The following AASDH variants were observed in gnomAD, a reference collection of about 807,000 sequenced individuals.
The protein encoded by AASDH is aminoadipate-semialdehyde dehydrogenase, also known as beta-alanine-activating enzyme.
AASDH carries 81 observed loss-of-function variants against 102.3 expected under a neutral mutation model. That is an observed-to-expected ratio of 0.79 (90% confidence interval 0.66 to 0.95). AASDH has a LOEUF of 0.95. Ranked by LOEUF, AASDH falls within the 40% of genes least tolerant of loss-of-function variation. The pLI is 0.00. For synonymous variants in AASDH, 398 were observed against 454.0 expected, an observed-to-expected ratio of 0.88 and a Z score of 1.57; for missense variants, 1,203 against 1,266.2, an observed-to-expected ratio of 0.95 and a Z score of 0.76.
rs747800323 is a variant in AASDH at position 56,338,739 on chromosome 4, G to A, written c.2960C>T (p.Pro987Leu). 2 of 1,614,146 alleles carry A rather than the reference G, an allele frequency of 1.2e-6. No homozygotes were observed. Among genetic ancestry groups the A allele is most frequent in the South Asian group, 1.1e-5 (1 of 91,076 alleles). Residue 987 changes from proline to leucine, a missense_variant, in exon 15 of 15, where the codon CCA becomes CTA. Coordinates refer to ENST00000205214, the MANE Select transcript of AASDH (RefSeq NM_181806.4). ...ACCAAAAAATATTTTTTGCTCTGAT[G>A]GTGAGGTACACGGGGATGAAAAGAT... Reference protein sequence around the residue: ...GPIFSSPCTSPSEQKIFFGSH... With the variant: ...GPIFSSPCTSLSEQKIFFGSH...
chr4:56,366,601 C>T (rs1211977263), intron 5 of AASDH, among the ~76,000 whole-genome samples: 1 of 152,054 alleles, frequency 6.6e-6, no homozygotes, highest in Admixed American at 6.6e-5. Flanking sequence ...AGCATATAAA[C>T]AGAACCAAAG....
At chr4:56,386,436 C>G (rs60438357) in intron 1 of AASDH, among the ~76,000 whole-genome samples, 1 of 152,268 alleles carries the variant, frequency 6.6e-6, no homozygotes, top group African/African-American at 2.4e-5. Flanking sequence ...CATTGAATCA[C>G]AAATAACATT....
chr4:56,344,371 AT>A (rs1215239910), intron 12 of AASDH, among the ~76,000 whole-genome samples: 1 of 152,036 alleles, frequency 6.6e-6, no homozygotes, highest in African/African-American at 2.4e-5. Flanking sequence ...AGAGTTTTTA[AT>A]TTTCATTCCT....
intron 2 of AASDH, among the ~76,000 whole-genome samples, chr4:56,383,521 C>G (rs1454998919): frequency 6.6e-6 from 1 of 152,158 alleles, no homozygotes; most frequent in African/African-American, 2.4e-5. Flanking sequence ...TTTATACTTA[C>G]TGCAGAGTTC....
intron 1 of AASDH, among the ~76,000 whole-genome samples, chr4:56,386,928 G>C (rs1031473981): frequency 4.6e-5 from 7 of 151,686 alleles, no homozygotes; most frequent in African/African-American, 1.7e-4. Context: ...GATCTTAAGA[G>C]TGTCAGCAAA....
intron 1 of AASDH, among the ~76,000 whole-genome samples, chr4:56,386,278 A>C (rs1438778341): frequency 6.6e-6 from 1 of 152,220 alleles, no homozygotes; most frequent in African/African-American, 2.4e-5. Flanking sequence ...ATTATGAGGA[A>C]TGAGTTCATT....
At chr4:56,341,129 A>G (rs982782890) in intron 14 of AASDH, among the ~76,000 whole-genome samples, 1 of 152,174 alleles carries the variant, frequency 6.6e-6, no homozygotes, top group African/African-American at 2.4e-5. Flanking sequence ...GAAGAGAACT[A>G]TCATATCCAA....
Position 56,367,692 on chromosome 4 carries a change from C to T in AASDH, c.861+3759G>A, listed in dbSNP as rs570749020. On this transcript the variant is annotated intron_variant, in intron 5 of 14. Transcript: ENST00000205214. ...GTAGAAAGCTGAAACTGGATCCCTTCCTTACACCTTATACAAAAATTAATT... is the reference window on the plus strand; with the variant it reads ...GTAGAAAGCTGAAACTGGATCCCTTTCTTACACCTTATACAAAAATTAATT... 7.2e-4 allele frequency among the ~76,000 whole-genome samples: 102 copies of T among 141,154 alleles called. 1 individual carries two copies. The East Asian group carries it at 0.012, about 16-fold the overall frequency. The allele number at this position is 141,154 out of a possible 152,430, so 92.6% of individuals were successfully genotyped here.
At chr4:56,351,130 T>TA (rs1334746100) in intron 10 of AASDH, among the ~76,000 whole-genome samples, 1 of 152,224 alleles carries the variant, frequency 6.6e-6, no homozygotes, top group African/African-American at 2.4e-5. Flanking sequence ...TCACTTTCAA[T>TA]AAATTTCTTT....
At chr4:56,345,600 A>C (rs1484011078) in intron 11 of AASDH, among the ~76,000 whole-genome samples, 1 of 152,214 alleles carries the variant, frequency 6.6e-6, no homozygotes, top group Non-Finnish European at 1.5e-5. Context: ...GATTTTTGAC[A>C]CATCTGGATT....
At chr4:56,348,271 T>G (rs1197303713) in intron 11 of AASDH, among the ~76,000 whole-genome samples, 1 of 151,888 alleles carries the variant, frequency 6.6e-6, no homozygotes, top group Non-Finnish European at 1.5e-5. Context: ...TTTTTTTTTT[T>G]GAGACAGAGT....
intron 10 of AASDH, 75 bp downstream of exon 10, chr4:56,351,267 G>T: frequency 2.2e-6 from 2 of 891,964 alleles, no homozygotes; most frequent in Non-Finnish European, 3.5e-6. Context: ...TATCCAACTT[G>T]TTAGGATAAT....
chr4:56,349,217 A>G, intron 11 of AASDH, 46 bp downstream of exon 11: 1 of 1,579,540 alleles, frequency 6.3e-7, no homozygotes, highest in Non-Finnish European at 8.7e-7. Context: ...AGATTATTGT[A>G]TGGTAATTCA....
chr4:56,358,037 T>C (rs1749821697), intron 5 of AASDH, among the ~76,000 whole-genome samples: 1 of 152,188 alleles, frequency 6.6e-6, no homozygotes, highest in Admixed American at 6.5e-5. Context: ...GTTTTCAGTG[T>C]ACAAATCTTG....
At chr4:56,378,111 T>G in intron 4 of AASDH, 37 bp downstream of exon 4, 1 of 1,547,732 alleles carries the variant, frequency 6.5e-7, no homozygotes, top group Non-Finnish European at 8.7e-7. Context: ...TGGCCTAAAA[T>G]ATAGATTCTG....
chr4:56,378,543 A>G, intron 3 of AASDH, 79 bp from the exon 4 acceptor site: 1 of 1,212,808 alleles, frequency 8.2e-7, no homozygotes. Flanking sequence ...AATATGAAAT[A>G]CAGTCATCCC....
intron 3 of AASDH, among the ~76,000 whole-genome samples, chr4:56,380,394 T>A (rs1259341508): frequency 6.6e-6 from 1 of 152,198 alleles, no homozygotes; most frequent in Non-Finnish European, 1.5e-5. Context: ...TAAATCAACA[T>A]AAATAATGAG....
At chr4:56,362,727 C>T (rs190098772) in intron 5 of AASDH, among the ~76,000 whole-genome samples, 2 of 152,206 alleles carry the variant, frequency 1.3e-5, no homozygotes, top group African/African-American at 4.8e-5. Context: ...AGAAACTGGA[C>T]TTAGGAGAGA....
chr4:56,346,809 G>A (rs1417138606), intron 11 of AASDH, among the ~76,000 whole-genome samples: 1 of 152,136 alleles, frequency 6.6e-6, no homozygotes, highest in Non-Finnish European at 1.5e-5. Flanking sequence ...TTGGGAGGCT[G>A]AGGTGGGCAG....
Sources: allele counts gnomAD v4.1 joint callset (sites outside exome capture counted in the v4.1 genomes callset), GRCh38; gene constraint gnomAD v4.1.1; transcripts MANE v1.5; gene names NCBI Gene and HGNC (gene_info 2026-07-23, HGNC 2026-07-21).